Variants in GRIK2 observed in about 807,000 individuals in gnomAD.
The protein encoded by GRIK2 is glutamate ionotropic receptor kainate type subunit 2, also known as glutamate receptor ionotropic, kainate 2.
In GRIK2, 32 loss-of-function variants were observed where a neutral mutation model predicts 100.3. The observed-to-expected ratio is 0.32, with a 90% CI of 0.24 to 0.43. The LOEUF is 0.43. GRIK2 is among the 20% of genes least tolerant of loss of function. GRIK2 has a pLI of 1.00. For synonymous variants in GRIK2, 417 were observed against 389.4 expected (o/e 1.07, Z -0.83); for missense variants, 843 against 1,114.9 (o/e 0.76, Z 3.47).
At chr6:101,495,446 C>A (rs1422886224) in intron 2 of GRIK2, among the ~76,000 whole-genome samples, 1 of 152,048 alleles carries the variant, frequency 6.6e-6, no homozygotes, top group Admixed American at 6.6e-5. Context: ...GCAGAGCTGG[C>A]AGTGAGCCAA....
At position 101,760,580 on chromosome 6, in the gene GRIK2, A is replaced by T. The variant is rs1333928933; in HGVS notation, c.952-39068A>T. 2.3e-5 allele frequency among the ~76,000 whole-genome samples: 2 copies of T among 86,950 alleles called. 1 individual carries two copies. The highest frequency in any genetic ancestry group is 1.1e-4 in the African/African-American group (2 of 18,106). 57.0% of individuals were successfully genotyped at this position (86,950 alleles called of 152,430 possible). A position where few individuals can be genotyped will look rare whatever the true frequency, so the allele number is the denominator to read the frequency against. Reference sequence around the variant, plus strand: ...TATAATTAATTATATTTAATTAATTATATATAATTATATATAATTATATAT... The same window carrying T: ...TATAATTAATTATATTTAATTAATTTTATATAATTATATATAATTATATAT... On this transcript the variant is annotated intron_variant, in intron 7 of 16. Transcript: ENST00000369134.
intron 4 of GRIK2, among the ~76,000 whole-genome samples, chr6:101,634,837 A>G (rs1780928788): frequency 6.6e-6 from 1 of 151,960 alleles, no homozygotes; most frequent in African/African-American, 2.4e-5. Context: ...AAACACAAAC[A>G]CTTTCTTAAA....
intron 11 of GRIK2, among the ~76,000 whole-genome samples, chr6:101,877,902 A>G (rs943667686): frequency 1.3e-5 from 2 of 151,492 alleles, no homozygotes; most frequent in African/African-American, 4.8e-5. Context: ...GAATCAGCCA[A>G]GTTTTCAAAT....
chr6:101,930,980 T>C lies in GRIK2; in HGVS notation c.2085+2348T>C, dbSNP rs147541310. Among the ~76,000 whole-genome samples, 242 of 152,290 alleles carry C rather than the reference T, an allele frequency of 1.6e-3. 1 individual carries two copies. The highest frequency in any genetic ancestry group is 5.8e-3 in the African/African-American group (240 of 41,578). ...CACAATAAAAACCACACAGTGATAATTACTAAGTTGACAACTACCTTATGT... is the reference window on the plus strand; with the variant it reads ...CACAATAAAAACCACACAGTGATAACTACTAAGTTGACAACTACCTTATGT... On this transcript the variant is annotated intron_variant, in intron 14 of 16. Coordinates refer to ENST00000369134, the MANE Select transcript of GRIK2 (RefSeq NM_021956.5).
At chr6:101,781,045 G>T (rs542998794) in intron 7 of GRIK2, among the ~76,000 whole-genome samples, 27 of 152,136 alleles carry the variant, frequency 1.8e-4, no homozygotes, top group Non-Finnish European at 3.8e-4. Context: ...AGAATTATAT[G>T]ATTCTATAAT....
intron 14 of GRIK2, among the ~76,000 whole-genome samples, chr6:102,029,549 A>G (rs1769876657): frequency 6.6e-6 from 1 of 151,218 alleles, no homozygotes; most frequent in South Asian, 2.1e-4. Flanking sequence ...TAATCTATTT[A>G]ACTTTGAGAA....
chr6:101,960,053 G>GTTTT lies in GRIK2; in HGVS notation c.2085+31431_2085+31434dup, dbSNP rs781532291. Among the ~76,000 whole-genome samples, 705 of 130,998 alleles carry GTTTT rather than the reference G, an allele frequency of 5.4e-3. 19 individuals carry two copies. Among genetic ancestry groups the GTTTT allele is most frequent in the African/African-American group, 0.019 (674 of 34,924 alleles). 85.9% of individuals were successfully genotyped at this position (130,998 alleles called of 152,430 possible). ...TCTCAAAGCCTTTTTTTAGTGTTTTGTTTTTTTTTTTTTGTCTGACTTGGT... is the reference window on the plus strand; with the variant it reads ...TCTCAAAGCCTTTTTTTAGTGTTTTGTTTTTTTTTTTTTTTTTGTCTGACTTGGT... On this transcript the variant is annotated intron_variant, in intron 14 of 16. Coordinates refer to ENST00000369134, the MANE Select transcript of GRIK2 (RefSeq NM_021956.5).
chr6:101,865,399 G>A (rs1784986644), intron 11 of GRIK2, among the ~76,000 whole-genome samples: 1 of 152,138 alleles, frequency 6.6e-6, no homozygotes, highest in African/African-American at 2.4e-5. Flanking sequence ...TTTATTATAT[G>A]TTGGAAAGGA....
rs929946026 is a variant in GRIK2 at position 101,753,633 on chromosome 6, C to A, written c.952-46015C>A. Among the ~76,000 whole-genome samples, 2 of 151,518 alleles carry A rather than the reference C, an allele frequency of 1.3e-5. 1 individual carries two copies. Among genetic ancestry groups the A allele is most frequent in the East Asian group, 3.9e-4 (2 of 5,172 alleles). On this transcript the variant is annotated intron_variant, in intron 7 of 16. Transcript: ENST00000369134. ...CTCTTTGAACATCAATAATTACTAA[C>A]CAGTTAGGTTTTATATTAATATTAA...
intron 10 of GRIK2, among the ~76,000 whole-genome samples, chr6:101,839,243 C>G (rs2128433299): frequency 6.6e-6 from 1 of 152,282 alleles, no homozygotes; most frequent in Non-Finnish European, 1.5e-5. Flanking sequence ...CCAGTAGAGG[C>G]AATGCCAGTG....
At chr6:102,053,659 C>T (rs546587806) in intron 15 of GRIK2, among the ~76,000 whole-genome samples, 21 of 151,940 alleles carry the variant, frequency 1.4e-4, no homozygotes, top group Non-Finnish European at 2.6e-4. Context: ...TGACCAGAAA[C>T]ATATAAAAAT....
At chr6:102,023,044 G>A (rs959834899) in intron 14 of GRIK2, among the ~76,000 whole-genome samples, 6 of 151,384 alleles carry the variant, frequency 4.0e-5, no homozygotes, top group African/African-American at 1.5e-4. Context: ...TGCAGGAGTG[G>A]TTAAGAGAAT....
At chr6:101,881,246 T>C (rs1169783909) in intron 11 of GRIK2, among the ~76,000 whole-genome samples, 3 of 152,058 alleles carry the variant, frequency 2.0e-5, no homozygotes, top group Admixed American at 6.6e-5. Context: ...GTTTTATGTA[T>C]GTTTAAATAT....
intron 16 of GRIK2, among the ~76,000 whole-genome samples, chr6:102,055,842 T>C (rs1308219273): frequency 1.3e-5 from 2 of 152,042 alleles, no homozygotes; most frequent in Non-Finnish European, 2.9e-5. Flanking sequence ...ATTTCTACTC[T>C]TATTACAGAC....
intron 10 of GRIK2, among the ~76,000 whole-genome samples, chr6:101,841,125 C>T (rs1432499954): frequency 6.6e-6 from 1 of 152,126 alleles, no homozygotes; most frequent in East Asian, 1.9e-4. Flanking sequence ...CAAAACAGTA[C>T]CTTCAAAGTG....
intron 2 of GRIK2, among the ~76,000 whole-genome samples, chr6:101,539,386 G>C (rs746494866): frequency 1.3e-5 from 2 of 151,686 alleles, no homozygotes; most frequent in African/African-American, 2.4e-5. Context: ...AAGCCATCAT[G>C]GAAATGGAAG....
chr6:101,950,375 C>CCT (rs974275585), intron 14 of GRIK2, among the ~76,000 whole-genome samples: 1 of 151,732 alleles, frequency 6.6e-6, no homozygotes, highest in Non-Finnish European at 1.5e-5. Flanking sequence ...CTTGAATAAA[C>CCT]CTCTCTCTCT....
chr6:101,910,321 C>A (rs1025862121), intron 12 of GRIK2, among the ~76,000 whole-genome samples: 5 of 150,958 alleles, frequency 3.3e-5, no homozygotes, highest in African/African-American at 1.2e-4. Context: ...GCCCAAGTGA[C>A]TGGGGGATTT....
intron 2 of GRIK2, among the ~76,000 whole-genome samples, chr6:101,494,999 A>ATATATATATATATG (rs1331042457): frequency 6.9e-6 from 1 of 144,288 alleles, no homozygotes; most frequent in African/African-American, 2.5e-5. Context: ...ATATATATAT[A>ATATATATATATATG]TGAAGGAAAA....
Sources: gnomAD v4.1 joint callset for allele counts (sites outside exome capture counted in the v4.1 genomes callset) on GRCh38, gnomAD v4.1.1 for gene constraint, MANE v1.5 for transcripts, NCBI Gene and HGNC (gene_info 2026-07-23, HGNC 2026-07-21) for gene names.